Variants in ENPP3 observed in about 807,000 individuals in gnomAD.
The protein encoded by ENPP3 is ectonucleotide pyrophosphatase/phosphodiesterase 3.
In ENPP3, 104 loss-of-function variants were observed where a neutral mutation model predicts 117.8. The ratio of observed to expected loss-of-function variants is 0.88; its 90% CI spans 0.75 to 1.04. The LOEUF (loss-of-function observed/expected upper bound fraction) is 1.04, where lower values mean the gene tolerates loss of function less well. Among genes scored for constraint, ENPP3 ranks in the 50% least tolerant of loss-of-function variants. The pLI is 0.00. For synonymous variants in ENPP3, 380 were observed against 349.9 expected (o/e 1.09, Z -0.96); for missense variants, 1,026 against 1,051.9 (o/e 0.98, Z 0.34).
At chr6:131,688,896 C>A (rs6904079) in intron 14 of ENPP3, among the ~76,000 whole-genome samples, 1,372 of 87,832 alleles carry the variant, frequency 0.016, 29 homozygotes, top group African/African-American at 0.025. Flanking sequence ...ACTAAAAATC[C>A]AAAAAAAAAA....
chr6:131,639,111 G>T (rs974882118), intron 1 of ENPP3, among the ~76,000 whole-genome samples: 1 of 151,942 alleles, frequency 6.6e-6, no homozygotes, highest in African/African-American at 2.4e-5. Context: ...ATTGTTTCAA[G>T]AAGTAAATAA....
At chr6:131,696,769 CT>C (rs71710247) in intron 15 of ENPP3, among the ~76,000 whole-genome samples, 14,353 of 132,534 alleles carry the variant, frequency 0.11, 1,250 homozygotes, top group African/African-American at 0.29. Flanking sequence ...CCCAGAGCAC[CT>C]TTTTTTTTTT....
chr6:131,700,994 G>C, intron 15 of ENPP3: 2 of 563,008 alleles, frequency 3.6e-6, no homozygotes, highest in South Asian at 4.1e-5. Context: ...AGACTCTCCA[G>C]GTCATGATGG....
At chr6:131,735,652 AT>A (rs2114565898) in intron 21 of ENPP3, among the ~76,000 whole-genome samples, 1 of 152,350 alleles carries the variant, frequency 6.6e-6, no homozygotes, top group South Asian at 2.1e-4. Context: ...AAAAAGTATT[AT>A]AATAGAAAAT....
intron 15 of ENPP3, among the ~76,000 whole-genome samples, chr6:131,716,795 C>T (rs1329234521): frequency 5.5e-5 from 3 of 54,514 alleles, no homozygotes; most frequent in Admixed American, 1.9e-4. Flanking sequence ...ATGGCAAAAC[C>T]CTCTCTCCAC....
At chr6:131,640,500 A>G (rs958040728) in intron 1 of ENPP3, among the ~76,000 whole-genome samples, 2 of 152,218 alleles carry the variant, frequency 1.3e-5, no homozygotes, top group Non-Finnish European at 2.9e-5. Flanking sequence ...CATTGTAAAC[A>G]TTAGATGTGT....
chr6:131,736,928 C>T (rs1324959853), intron 21 of ENPP3, among the ~76,000 whole-genome samples: 5 of 152,098 alleles, frequency 3.3e-5, no homozygotes, highest in African/African-American at 4.8e-5. Context: ...CATTGCTTGG[C>T]GTGTACTGGT....
At chr6:131,666,978 CA>C (rs1778630568) in intron 6 of ENPP3, among the ~76,000 whole-genome samples, 1 of 152,114 alleles carries the variant, frequency 6.6e-6, no homozygotes, top group Non-Finnish European at 1.5e-5. Flanking sequence ...TGCTAGGTCC[CA>C]TTGGTGTTCC....
At chr6:131,715,772 GC>G (rs1183879294) in intron 15 of ENPP3, among the ~76,000 whole-genome samples, 8 of 152,296 alleles carry the variant, frequency 5.3e-5, no homozygotes, top group Admixed American at 2.0e-4. Context: ...CTTGGTGGCT[GC>G]CCACTGGACT....
At chr6:131,648,417 A>G (rs1169363028) in intron 2 of ENPP3, among the ~76,000 whole-genome samples, 1 of 152,058 alleles carries the variant, frequency 6.6e-6, no homozygotes, top group Non-Finnish European at 1.5e-5. Context: ...AAGAATATCA[A>G]GAGATTCCTT....
At chr6:131,677,497 A>G (rs567752282) in intron 10 of ENPP3, among the ~76,000 whole-genome samples, 3 of 152,302 alleles carry the variant, frequency 2.0e-5, no homozygotes, top group Admixed American at 2.0e-4. Flanking sequence ...GCTCCAGGTA[A>G]ACAGTGCATC....
chr6:131,658,271 AG>A, intron 5 of ENPP3, 51 bp from the exon 6 acceptor site: 1 of 935,816 alleles, frequency 1.1e-6, no homozygotes, highest in Non-Finnish European at 1.8e-6. Context: ...AATGCTTTTG[AG>A]GTAAATGTAG....
intron 6 of ENPP3, among the ~76,000 whole-genome samples, chr6:131,670,456 T>A (rs1345160485): frequency 6.6e-6 from 1 of 152,148 alleles, no homozygotes; most frequent in African/African-American, 2.4e-5. Context: ...CCATATATAC[T>A]GAGAATTGTT....
intron 23 of ENPP3, among the ~76,000 whole-genome samples, chr6:131,739,167 GCCAGAATATGAAC>G (rs1359232860): frequency 1.3e-5 from 2 of 152,178 alleles, no homozygotes; most frequent in African/African-American, 4.8e-5. Context: ...AAGTGGTAAA[GCCAGAATATGAAC>G]CCAGACAGCC....
intron 24 of ENPP3, among the ~76,000 whole-genome samples, chr6:131,742,634 C>G (rs1780551143): frequency 6.6e-6 from 1 of 152,034 alleles, no homozygotes; most frequent in South Asian, 2.1e-4. Flanking sequence ...TACAAAGAAA[C>G]AAACAAAAAC....
At chr6:131,637,869 C>T (rs554193316) in intron 1 of ENPP3, among the ~76,000 whole-genome samples, 2 of 152,190 alleles carry the variant, frequency 1.3e-5, no homozygotes, top group South Asian at 2.1e-4. Context: ...TAGAGATAGT[C>T]TCTTTTGCCT....
At chr6:131,679,987 G>A (rs147585747) in intron 11 of ENPP3, among the ~76,000 whole-genome samples, 2,987 of 152,286 alleles carry the variant, frequency 0.02, 47 homozygotes, top group Middle Eastern at 0.034. Context: ...ATCCTGCAGG[G>A]CCTTGCAGGT....
intron 7 of ENPP3, among the ~76,000 whole-genome samples, chr6:131,672,059 G>A (rs902757802): frequency 2.0e-5 from 3 of 152,230 alleles, no homozygotes; most frequent in Admixed American, 2.0e-4. Flanking sequence ...TGCAGATTCT[G>A]TATTTGTGGG....
chr6:131,664,762 T>C (rs899683221), intron 6 of ENPP3, among the ~76,000 whole-genome samples: 1 of 152,232 alleles, frequency 6.6e-6, no homozygotes, highest in Admixed American at 6.5e-5. Flanking sequence ...GATAACATGC[T>C]GTACAGATTT....
Sources: allele counts gnomAD v4.1 joint callset (sites outside exome capture counted in the v4.1 genomes callset), GRCh38; gene constraint gnomAD v4.1.1; transcripts MANE v1.5; gene names NCBI Gene and HGNC (gene_info 2026-07-23, HGNC 2026-07-21).